MST1R: variants seen among roughly 807,000 people sequenced by gnomAD.
MST1R encodes macrophage-stimulating protein receptor.
A neutral mutation model predicts 117.8 loss-of-function variants in MST1R; 99 were observed. The ratio of observed to expected loss-of-function variants is 0.84; its 90% confidence interval spans 0.71 to 0.99. MST1R has a LOEUF of 0.99. MST1R is among the 50% of genes least tolerant of loss of function. MST1R has a pLI of 0.00. For missense variants in MST1R, 1,683 were observed against 1,840.2 expected, an observed-to-expected ratio of 0.91 and a Z score of 1.56; for synonymous variants, 734 against 765.3, an observed-to-expected ratio of 0.96 and a Z score of 0.68.
intron 14 of MST1R, among the ~76,000 whole-genome samples, chr3:49,894,550 AGAGT>A (rs879832475): frequency 1.3e-5 from 2 of 152,202 alleles, no homozygotes; most frequent in African/African-American, 2.4e-5. Flanking sequence ...CCTGGGTAAC[AGAGT>A]GAGACCCTGT....
Position 49,897,585 on chromosome 3 carries a change from T to C in MST1R, c.1981A>G (p.Asn661Asp), listed in dbSNP as rs1282241572. ...CGGAAGTGCTTGCCCGGTGGCATGTTAGTCACGGTGAGGCTGACGTTGGTA... is the reference window on the plus strand; with the variant it reads ...CGGAAGTGCTTGCCCGGTGGCATGTCAGTCACGGTGAGGCTGACGTTGGTA... ...GPTNVSLTVT[N>D]MPPGKHFRVD... is the part of the protein sequence containing the mutation. Residue 661 changes from asparagine (N) to aspartate (D), a missense_variant, in exon 6 of 20, where the codon AAC becomes GAC. Transcript: ENST00000296474. 1.9e-6 allele frequency: 3 copies of C among 1,614,006 alleles called. No individual in the cohort carries two copies. The highest frequency in any genetic ancestry group is 1.6e-4 in the Middle Eastern group (1 of 6,084).
chr3:49,889,868 C>T, intron 19 of MST1R, 56 bp downstream of exon 19: 1 of 1,606,608 alleles, frequency 6.2e-7, no homozygotes, highest in South Asian at 1.1e-5. Context: ...TGTCTCCTGT[C>T]TCTTCCATGT....
chr3:49,899,436 T>G (rs1315149152), intron 1 of MST1R, 173 bp from the exon 2 acceptor site: 7 of 669,334 alleles, frequency 1.0e-5, no homozygotes, highest in Non-Finnish European at 1.8e-5. Context: ...GGGCTCTCAG[T>G]GTAGCAAGGG....
In MST1R at chr3:49,887,041, G is replaced by A. The variant is rs2082186125; in HGVS notation, c.*266C>T. On this transcript the variant is annotated 3_prime_UTR_variant, in exon 20 of 20. Transcript: ENST00000296474. ...GTCATTTGTTCCTTTATTGGTTCAA[G>A]GGTCAGTGTTGGTGTGGTCACTGCT... 3.6e-6 allele frequency: 2 copies of A among 552,254 alleles called. No individual in the cohort carries two copies. The highest frequency in any genetic ancestry group is 3.0e-5 in the East Asian group (1 of 33,244). The allele number at this position is 552,254 out of a possible 1,614,324, so 34.2% of individuals were successfully genotyped here.
chr3:49,896,456 T>G, intron 9 of MST1R, 52 bp from the exon 10 acceptor site: 1 of 1,606,752 alleles, frequency 6.2e-7, no homozygotes, highest in Non-Finnish European at 8.5e-7. Flanking sequence ...CTGTGATTGC[T>G]CCTCGCCTCA....
At position 49,898,195 on chromosome 3, in the gene MST1R, C is replaced by G; in HGVS notation, c.1736G>C (p.Gly579Ala). 1 of 1,613,814 alleles carries G rather than the reference C, an allele frequency of 6.2e-7. No individual in the cohort carries two copies. The highest frequency in any genetic ancestry group is 8.5e-7 in the Non-Finnish European group (1 of 1,179,994). The change falls in exon 5 of 20, where the codon GGA (glycine) becomes GCA (alanine). Residue 579 changes from glycine to alanine, a missense_variant. Gly to Ala is a moderately conservative substitution (Grantham distance 60, BLOSUM62 0). Coordinates refer to ENST00000296474, the MANE Select transcript of MST1R (RefSeq NM_002447.4). ...CAGCCTTGTACTGCCCCTTAGAGGT[C>G]CACTGTGGGGGTGGAACTGAAATGG... ...PKLTEFHPHS[G>A]PLRGSTRLTL... is the part of the protein sequence containing the mutation.
chr3:49,888,037 T>C (rs542090056), intron 19 of MST1R, among the ~76,000 whole-genome samples: 22 of 152,352 alleles, frequency 1.4e-4, no homozygotes, highest in African/African-American at 4.8e-4. Context: ...CTCATGCCTG[T>C]AATCCCAGCA....
chr3:49,892,441 A>G (rs1246789138), intron 14 of MST1R, among the ~76,000 whole-genome samples: 1 of 151,376 alleles, frequency 6.6e-6, no homozygotes, highest in East Asian at 2.0e-4. Flanking sequence ...GCAGGAGGAT[A>G]GCTTGAACCC....
chr3:49,887,248 C>T lies in MST1R; in HGVS notation c.*59G>A, dbSNP rs1177446061. ...GCCACTGCCCTCTGGCCTGGCATGG[C>T]CCAGAGGCAGCTTGGGGTTAGCTCA... On this transcript the variant is annotated 3_prime_UTR_variant, in exon 20 of 20. Coordinates refer to ENST00000296474, the MANE Select transcript of MST1R (RefSeq NM_002447.4). 7.5e-6 allele frequency: 12 copies of T among 1,595,164 alleles called. No homozygotes were observed. Among genetic ancestry groups the T allele is most frequent in the Non-Finnish European group, 9.4e-6 (11 of 1,170,094 alleles).
At position 49,896,010 on chromosome 3, in the gene MST1R, C is replaced by A. The variant is rs775020612; in HGVS notation, c.2747G>T (p.Cys916Phe). 1.9e-6 allele frequency: 3 copies of A among 1,597,934 alleles called. No individual in the cohort carries two copies. The highest frequency in any genetic ancestry group is 8.5e-7 in the Non-Finnish European group (1 of 1,172,064). The part of the protein sequence containing the change: ...QHEFRGDMVV[C>F]PLPPSLQLGQ... ...AAGCTGCAGGGATGGGGGCAGGGGG[C>A]AGACAACCATGTCCCCCCGGAACTC... Residue 916 changes from cysteine to phenylalanine, a missense_variant, in exon 11 of 20, where the codon TGC (cysteine) becomes TTC (phenylalanine). Coordinates refer to ENST00000296474, the MANE Select transcript of MST1R (RefSeq NM_002447.4).
Position 49,896,808 on chromosome 3 carries a change from C to A in MST1R, c.2266G>T (p.Ala756Ser), listed in dbSNP as rs375227799. The A allele has an allele frequency of 1.0e-5, 16 of 1,560,368 alleles. No homozygotes were observed. Among genetic ancestry groups the A allele is most frequent in the African/African-American group, 1.4e-5 (1 of 73,518 alleles). Residue 756 changes from alanine (A) to serine (S), a missense_variant, in exon 8 of 20, where the codon GCC (alanine) becomes TCC (serine). Coordinates refer to ENST00000296474, the MANE Select transcript of MST1R (RefSeq NM_002447.4). ...SVPLSLQVGG[A>S]QVPGSWTFQY... Reference sequence around the variant, plus strand: ...AAGGTCCAGGAACCAGGTACCTGGGCACCCCCCACCTGCAGGCTAAGGGGG... The same window carrying A: ...AAGGTCCAGGAACCAGGTACCTGGGAACCCCCCACCTGCAGGCTAAGGGGG...
In MST1R at chr3:49,895,875, G is replaced by C. The variant is rs770746168; in HGVS notation, c.2802C>G (p.Cys934Trp). The part of the protein sequence containing the change: ...LGQDGAPLQV[C>W]VDGECHILGR... Reference sequence around the variant, plus strand: ...CCAGGATATGACATTCACCATCTACGCAGACCTGGGGGCAGGTGGCAACTC... The same window carrying C: ...CCAGGATATGACATTCACCATCTACCCAGACCTGGGGGCAGGTGGCAACTC... Residue 934 changes from cysteine to tryptophan, a missense_variant, in exon 12 of 20, where the codon TGC becomes TGG. Transcript: ENST00000296474. The C allele has an allele frequency of 6.2e-7, 1 of 1,600,372 alleles. No homozygotes were observed. The highest frequency in any genetic ancestry group is 8.5e-7 in the Non-Finnish European group (1 of 1,172,352).
At chr3:49,888,090 G>A (rs1055654661) in intron 19 of MST1R, among the ~76,000 whole-genome samples, 3 of 152,078 alleles carry the variant, frequency 2.0e-5, no homozygotes, top group Admixed American at 6.5e-5. Context: ...TCAGGAGTTC[G>A]AGACCAGCCT....
intron 19 of MST1R, among the ~76,000 whole-genome samples, chr3:49,889,162 G>A (rs965075863): frequency 2.6e-5 from 4 of 152,174 alleles, no homozygotes; most frequent in Non-Finnish European, 4.4e-5. Context: ...CTCCTGCCCA[G>A]TCCTTCTTCC....
chr3:49,897,136 G>GAGGGC, intron 7 of MST1R, 144 bp downstream of exon 7: 2 of 1,295,244 alleles, frequency 1.5e-6, no homozygotes, highest in Non-Finnish European at 1.1e-6. Flanking sequence ...CTGGGCTGAA[G>GAGGGC]AGGGCAGTAG....
At position 49,903,121 on chromosome 3, in the gene MST1R, G is replaced by A. The variant is rs774278322; in HGVS notation, c.489C>T (p.Leu163=). ...TAVHLAAPAC[L]FSAHHNRPDD... is the part of the protein sequence containing the mutation. ...CGGGCCGGTTATGGTGGGCTGAGAAGAGGCAGGCTGGCGCTGCCAGATGCA... is the reference window on the plus strand; with the variant it reads ...CGGGCCGGTTATGGTGGGCTGAGAAAAGGCAGGCTGGCGCTGCCAGATGCA... The change falls in exon 1 of 20, where the codon CTC becomes CTT. Residue 163 remains leucine (L), a synonymous_variant. Coordinates refer to ENST00000296474, the MANE Select transcript of MST1R (RefSeq NM_002447.4). 3 of 1,604,640 alleles carry A rather than the reference G, an allele frequency of 1.9e-6. No homozygotes were observed. The highest frequency in any genetic ancestry group is 2.7e-5 in the African/African-American group (2 of 75,084).
intron 1 of MST1R, among the ~76,000 whole-genome samples, chr3:49,900,182 C>T (rs1247873028): frequency 6.6e-6 from 1 of 152,206 alleles, no homozygotes; most frequent in African/African-American, 2.4e-5. Flanking sequence ...TCCTATACCC[C>T]CCTTCAGGGT....
chr3:49,897,747 G>T, intron 5 of MST1R, 62 bp from the exon 6 acceptor site: 1 of 1,529,174 alleles, frequency 6.5e-7, no homozygotes, highest in Non-Finnish European at 8.8e-7. Context: ...ATGCATGCCT[G>T]CCACAAGCCA....
intron 7 of MST1R, among the ~76,000 whole-genome samples, 172 bp downstream of exon 7, chr3:49,897,108 T>C (rs1039393168): frequency 6.6e-6 from 1 of 152,246 alleles, no homozygotes; most frequent in Non-Finnish European, 1.5e-5. Context: ...TTGGACTCTG[T>C]GATGGGCTCT....
Sources: allele counts gnomAD v4.1 joint callset (sites outside exome capture counted in the v4.1 genomes callset), GRCh38; gene constraint gnomAD v4.1.1; transcripts MANE v1.5; gene names NCBI Gene and HGNC (gene_info 2026-07-23, HGNC 2026-07-21).